DAB1: variants seen among roughly 807,000 people sequenced by gnomAD.
The protein encoded by DAB1 is DAB adaptor protein 1, also known as disabled homolog 1.
A neutral mutation model predicts 64.6 loss-of-function variants in DAB1; 15 were observed. That is an observed-to-expected ratio of 0.23 (90% confidence interval 0.16 to 0.36). The LOEUF (loss-of-function observed/expected upper bound fraction) is 0.36, where lower values mean the gene tolerates loss of function less well. DAB1 is among the 10% of genes least tolerant of loss of function. DAB1 has a pLI of 1.00. For missense variants in DAB1, 596 were observed against 706.7 expected (o/e 0.84, Z 1.78); for synonymous variants, 235 against 251.9 (o/e 0.93, Z 0.64).
chr1:57,553,466 GGGAA>G (rs1570620712), intron 7 of DAB1, among the ~76,000 whole-genome samples: 3 of 18,382 alleles, frequency 1.6e-4, no homozygotes, highest in East Asian at 3.4e-3. Flanking sequence ...GAAAGAGAAA[GGGAA>G]AGAAAGGAAG....
At chr1:57,377,940 G>A (rs3909558) in intron 1 of DAB1, among the ~76,000 whole-genome samples, 2 of 151,928 alleles carry the variant, frequency 1.3e-5, no homozygotes, top group East Asian at 3.9e-4. Flanking sequence ...GGACTGTGAC[G>A]TCTGGTGGAG....
At chr1:57,550,077 T>A (rs1425104905) in intron 7 of DAB1, among the ~76,000 whole-genome samples, 1 of 152,158 alleles carries the variant, frequency 6.6e-6, no homozygotes, top group Non-Finnish European at 1.5e-5. Context: ...TTTGGAACAA[T>A]CAAGACCTGG....
At chr1:57,005,432 C>T (rs992840122) in intron 14 of DAB1, among the ~76,000 whole-genome samples, 7 of 152,042 alleles carry the variant, frequency 4.6e-5, no homozygotes, top group East Asian at 1.9e-4. Context: ...ATGAAGTCAG[C>T]GTATTTTAGG....
At chr1:58,175,140 G>A (rs1033872381) in intron 4 of DAB1, among the ~76,000 whole-genome samples, 2 of 152,156 alleles carry the variant, frequency 1.3e-5, no homozygotes. Flanking sequence ...CTTTGGGTCC[G>A]CATTACCTTT....
At chr1:57,308,412 G>GA (rs1389740993) in intron 1 of DAB1, among the ~76,000 whole-genome samples, 1 of 152,002 alleles carries the variant, frequency 6.6e-6, no homozygotes, top group African/African-American at 2.4e-5. Flanking sequence ...TCACAAGGCT[G>GA]AAAAAAACTG....
At chr1:57,782,973 T>TTCTC (rs1650168237) in intron 6 of DAB1, among the ~76,000 whole-genome samples, 1 of 115,700 alleles carries the variant, frequency 8.6e-6, no homozygotes, top group South Asian at 3.4e-4. Context: ...CCATTTTCTT[T>TTCTC]CCTCCCTCCC....
intron 1 of DAB1, among the ~76,000 whole-genome samples, chr1:57,345,707 C>G (rs1678022484): frequency 6.6e-6 from 1 of 152,136 alleles, no homozygotes; most frequent in Non-Finnish European, 1.5e-5. Context: ...TTACTTGGAG[C>G]CTTCATAACA....
At chr1:57,897,575 A>G (rs546296939) in intron 5 of DAB1, among the ~76,000 whole-genome samples, 56 of 152,268 alleles carry the variant, frequency 3.7e-4, no homozygotes, top group African/African-American at 1.3e-3. Context: ...TGGGCTGGCC[A>G]GCTCGTGCCT....
intron 7 of DAB1, among the ~76,000 whole-genome samples, chr1:57,553,384 G>GAGAA (rs775593744): frequency 0.11 from 775 of 6,936 alleles, 43 homozygotes; most frequent in African/African-American, 0.13. Flanking sequence ...AAGGAAGAAA[G>GAGAA]AGAAAGAAAG....
rs1646197339 is a variant in DAB1 at position 58,518,272 on chromosome 1, G to GAGAA, written n.107+8988_107+8989insTTCT. ...GAGAGGGGAGAGGGGAGAGGAGAGAGGAGAGGAGAAGAGAAGAGAAGAGAA... is the reference window on the plus strand; with the variant it reads ...GAGAGGGGAGAGGGGAGAGGAGAGAGAGAAGAGAGGAGAAGAGAAGAGAAGAGAA... On this transcript the variant is annotated intron_variant and non_coding_transcript_variant, in intron 2 of 20. Transcript: ENST00000485760. Among the ~76,000 whole-genome samples, 2 of 650 alleles carry GAGAA rather than the reference G, an allele frequency of 3.1e-3. 1 individual carries two copies. The highest frequency in any genetic ancestry group is 0.011 in the Non-Finnish European group (2 of 186). The allele number at this position is 650 out of a possible 152,430, so 0.4% of individuals were successfully genotyped here.
intron 3 of DAB1, among the ~76,000 whole-genome samples, chr1:58,379,074 C>T (rs558777314): frequency 2.6e-5 from 4 of 151,846 alleles, no homozygotes; most frequent in African/African-American, 9.7e-5. Context: ...CCTGCGCCCA[C>T]TGTCTGGCAC....
chr1:58,344,323 AAG>A (rs1156467256), intron 3 of DAB1, among the ~76,000 whole-genome samples: 1 of 152,204 alleles, frequency 6.6e-6, no homozygotes, highest in Non-Finnish European at 1.5e-5. Flanking sequence ...TTAAAGGGGT[AAG>A]AGAGGAAATT....
At chr1:58,295,313 G>C (rs142705778) in intron 4 of DAB1, among the ~76,000 whole-genome samples, 2 of 152,174 alleles carry the variant, frequency 1.3e-5, no homozygotes, top group African/African-American at 2.4e-5. Context: ...TCTCACACAA[G>C]TGAGAATTCT....
chr1:57,247,208 C>T (rs975754613), intron 2 of DAB1, among the ~76,000 whole-genome samples: 2 of 152,112 alleles, frequency 1.3e-5, no homozygotes, highest in Non-Finnish European at 2.9e-5. Flanking sequence ...AAATTGTAAT[C>T]GTCACACGTC....
intron 5 of DAB1, among the ~76,000 whole-genome samples, chr1:58,067,776 C>A (rs1170560310): frequency 4.6e-5 from 7 of 152,188 alleles, no homozygotes; most frequent in African/African-American, 1.7e-4. Context: ...TCCTTATAGG[C>A]CTCAACCAGT....
intron 5 of DAB1, among the ~76,000 whole-genome samples, chr1:57,922,767 A>G: frequency 7.2e-6 from 1 of 138,072 alleles, no homozygotes; most frequent in Admixed American, 8.5e-5. Flanking sequence ...AATGGCATGA[A>G]CCCGGGAGGC....
chr1:57,438,220 T>C (rs991654571), intron 7 of DAB1, among the ~76,000 whole-genome samples: 1 of 144,678 alleles, frequency 6.9e-6, no homozygotes, highest in Non-Finnish European at 1.5e-5. Context: ...ATGATGCAAA[T>C]GTAAAAAAAA....
At chr1:57,074,731 C>T (rs114512055) in intron 4 of DAB1, among the ~76,000 whole-genome samples, 130 of 152,280 alleles carry the variant, frequency 8.5e-4, no homozygotes, top group African/African-American at 3.1e-3. Flanking sequence ...GGTAGTATGA[C>T]TGCTCAGTTA....
chr1:57,274,425 G>A (rs1294651266), intron 2 of DAB1, among the ~76,000 whole-genome samples: 1 of 152,156 alleles, frequency 6.6e-6, no homozygotes, highest in Non-Finnish European at 1.5e-5. Flanking sequence ...CCAGACGAGT[G>A]TCTTATATAA....
Sources: gnomAD v4.1 joint callset for allele counts (sites outside exome capture counted in the v4.1 genomes callset) on GRCh38, gnomAD v4.1.1 for gene constraint, MANE v1.5 for transcripts, NCBI Gene and HGNC (gene_info 2026-07-23, HGNC 2026-07-21) for gene names.